The following BRINP3 variants were observed in gnomAD, a reference collection of about 807,000 sequenced individuals.
BRINP3 encodes the protein BMP/retinoic acid-inducible neural-specific protein 3.
In BRINP3, 19 loss-of-function variants were observed where a neutral mutation model predicts 71.0. That is an observed-to-expected ratio of 0.27 (90% CI 0.19 to 0.39). BRINP3 has a LOEUF of 0.39. Among genes scored for constraint, BRINP3 ranks in the 10% least tolerant of loss-of-function variants. The pLI, the probability that BRINP3 is intolerant of heterozygous loss-of-function variation, is 1.00. For missense variants in BRINP3, 959 were observed against 940.8 expected (o/e 1.02, Z -0.25); for synonymous variants, 380 against 337.7 (o/e 1.13, Z -1.37).
intron 6 of BRINP3, among the ~76,000 whole-genome samples, chr1:190,220,760 T>G (rs1462232469): frequency 6.6e-6 from 1 of 152,078 alleles, no homozygotes; most frequent in Non-Finnish European, 1.5e-5. Flanking sequence ...CAGACTCATC[T>G]TACAAGAAAT....
At chr1:190,401,401 A>G (rs934530249) in intron 2 of BRINP3, among the ~76,000 whole-genome samples, 4 of 151,452 alleles carry the variant, frequency 2.6e-5, no homozygotes, top group African/African-American at 7.3e-5. Flanking sequence ...AAAAAAAGGA[A>G]AAGAAAAGCA....
intron 2 of BRINP3, among the ~76,000 whole-genome samples, chr1:190,386,640 G>T (rs1318332072): frequency 6.6e-6 from 1 of 151,980 alleles, no homozygotes; most frequent in Non-Finnish European, 1.5e-5. Flanking sequence ...CAGCTCTGGA[G>T]TCAGATGCCT....
intron 2 of BRINP3, among the ~76,000 whole-genome samples, chr1:190,295,727 G>A (rs1664198885): frequency 6.6e-6 from 1 of 151,824 alleles, no homozygotes. Flanking sequence ...CTGTGGCAGG[G>A]CCAGCACTAA....
intron 7 of BRINP3, among the ~76,000 whole-genome samples, chr1:190,144,052 C>T (rs1054859589): frequency 2.0e-5 from 3 of 152,106 alleles, no homozygotes; most frequent in South Asian, 2.1e-4. Flanking sequence ...AAAATCCTCC[C>T]TATTTGTTGT....
At chr1:190,228,299 A>G (rs1443105958) in intron 5 of BRINP3, among the ~76,000 whole-genome samples, 1 of 151,948 alleles carries the variant, frequency 6.6e-6, no homozygotes, top group Non-Finnish European at 1.5e-5. Flanking sequence ...ATCAGTATAT[A>G]TTTATTAAAA....
chr1:190,153,099 C>A (rs1016464956), intron 7 of BRINP3, among the ~76,000 whole-genome samples: 2 of 152,052 alleles, frequency 1.3e-5, no homozygotes, highest in African/African-American at 4.8e-5. Context: ...ATTTTCCCTA[C>A]TTTGAAACTT....
chr1:190,132,514 T>G (rs2102356840), intron 7 of BRINP3, among the ~76,000 whole-genome samples: 1 of 152,210 alleles, frequency 6.6e-6, no homozygotes, highest in East Asian at 1.9e-4. Flanking sequence ...TGTAAATTTC[T>G]TCAGAGCATA....
intron 7 of BRINP3, among the ~76,000 whole-genome samples, chr1:190,153,052 G>T (rs1378097711): frequency 6.6e-6 from 1 of 152,096 alleles, no homozygotes; most frequent in Non-Finnish European, 1.5e-5. Flanking sequence ...GCTATATCAA[G>T]AATTAGATGA....
At chr1:190,282,646 T>C (rs1385996644) in intron 2 of BRINP3, among the ~76,000 whole-genome samples, 1 of 151,964 alleles carries the variant, frequency 6.6e-6, no homozygotes, top group Non-Finnish European at 1.5e-5. Context: ...TCTATTTTTC[T>C]CCAAAAAATG....
Position 190,097,914 on chromosome 1 carries a change from G to T in BRINP3, c.*104C>A. The T allele has an allele frequency of 1.6e-6, 2 of 1,234,776 alleles. No individual in the cohort carries two copies. The highest frequency in any genetic ancestry group is 2.2e-6 in the Non-Finnish European group (2 of 889,878). The allele number at this position is 1,234,776 out of a possible 1,614,324, so 76.5% of individuals were successfully genotyped here. A position where few individuals can be genotyped will look rare whatever the true frequency, so the allele number is the denominator to read the frequency against. On this transcript the variant is annotated 3_prime_UTR_variant, in exon 8 of 8. Coordinates refer to ENST00000367462, the MANE Select transcript of BRINP3 (RefSeq NM_199051.3). ...CAATGTTATTGACTGATATAAGACA[G>T]ATATTGAAAAGACAATTTAAATTTA...
chr1:190,272,152 C>T (rs1662164900), intron 3 of BRINP3, among the ~76,000 whole-genome samples: 1 of 151,582 alleles, frequency 6.6e-6, no homozygotes, highest in Middle Eastern at 3.4e-3. Flanking sequence ...ATTAATATGA[C>T]TTCTTACTTC....
chr1:190,173,859 A>C (rs1200016955), intron 6 of BRINP3, among the ~76,000 whole-genome samples: 2 of 152,170 alleles, frequency 1.3e-5, no homozygotes, highest in Non-Finnish European at 2.9e-5. Context: ...AGTGTCTGGA[A>C]TAAAAGAAAA....
intron 7 of BRINP3, among the ~76,000 whole-genome samples, chr1:190,133,520 G>C (rs1050707451): frequency 1.3e-5 from 2 of 151,694 alleles, no homozygotes; most frequent in Non-Finnish European, 2.9e-5. Context: ...ATGAGGGAAT[G>C]GATTAAAAAA....
chr1:190,249,460 T>C lies in BRINP3; in HGVS notation c.619-14983A>G, dbSNP rs547837756. Among the ~76,000 whole-genome samples, 5 of 152,014 alleles carry C rather than the reference T, an allele frequency of 3.3e-5. No individual in the cohort carries two copies. The East Asian group carries it at 7.7e-4, about 23-fold the overall frequency. On this transcript the variant is annotated intron_variant, in intron 4 of 7. Coordinates refer to ENST00000367462, the MANE Select transcript of BRINP3 (RefSeq NM_199051.3). Reference sequence around the variant, plus strand: ...GGTAAGAGCAATTAAATGTTTTCACTAATCTTATTAAAACAAAAAAATTAA... The same window carrying C: ...GGTAAGAGCAATTAAATGTTTTCACCAATCTTATTAAAACAAAAAAATTAA...
intron 6 of BRINP3, among the ~76,000 whole-genome samples, chr1:190,169,117 C>T (rs1651801850): frequency 6.6e-6 from 1 of 152,128 alleles, no homozygotes; most frequent in African/African-American, 2.4e-5. Context: ...AAAAACACGA[C>T]TAGCAGGTAT....
chr1:190,150,412 A>G (rs1392715542), intron 7 of BRINP3, among the ~76,000 whole-genome samples: 1 of 152,122 alleles, frequency 6.6e-6, no homozygotes, highest in Non-Finnish European at 1.5e-5. Context: ...GAGATTAGAG[A>G]TTGCGTACTG....
At chr1:190,387,728 C>T (rs149966675) in intron 2 of BRINP3, among the ~76,000 whole-genome samples, 1 of 151,914 alleles carries the variant, frequency 6.6e-6, no homozygotes, top group East Asian at 1.9e-4. Context: ...AATGCTCAGT[C>T]TTAACCTCTC....
intron 6 of BRINP3, among the ~76,000 whole-genome samples, chr1:190,208,014 T>C (rs530707221): frequency 2.0e-5 from 3 of 152,074 alleles, no homozygotes; most frequent in Non-Finnish European, 4.4e-5. Context: ...CAAGCTGGAG[T>C]GCAGCTCACT....
intron 2 of BRINP3, among the ~76,000 whole-genome samples, chr1:190,327,326 CAAAAAAAAAAAAAAAA>C (rs1227478693): frequency 2.3e-5 from 1 of 44,232 alleles, no homozygotes; most frequent in Admixed American, 3.1e-4. Flanking sequence ...AAAAAAAGAA[CAAAAAAAAAAAAAAAA>C]AAAAAAAAGG....
Sources: gnomAD v4.1 joint callset for allele counts (sites outside exome capture counted in the v4.1 genomes callset) on GRCh38, gnomAD v4.1.1 for gene constraint, MANE v1.5 for transcripts, NCBI Gene and HGNC (gene_info 2026-07-23, HGNC 2026-07-21) for gene names.